The following SLC12A3 variants were observed in gnomAD, a reference collection of about 807,000 sequenced individuals.
The protein encoded by SLC12A3 is solute carrier family 12 member 3, also known as Na-Cl cotransporter.
A neutral mutation model predicts 121.0 loss-of-function variants in SLC12A3; 104 were observed. That is an observed-to-expected ratio of 0.86 (90% CI 0.73 to 1.01). The LOEUF is 1.01. Ranked by LOEUF, SLC12A3 falls within the 50% of genes least tolerant of loss-of-function variation. The pLI is 0.00. For synonymous variants in SLC12A3, 536 were observed against 533.4 expected, an observed-to-expected ratio of 1.00 and a Z score of -0.07; for missense variants, 1,328 against 1,356.3, an observed-to-expected ratio of 0.98 and a Z score of 0.33.
At chr16:56,867,246 C>T (rs1964379482) in intron 2 of SLC12A3, 30 bp downstream of exon 2, 1 of 1,583,902 alleles carries the variant, frequency 6.3e-7, no homozygotes. Flanking sequence ...TGCGTGATGT[C>T]CAGAAATGGG....
chr16:56,886,019 C>T (rs2055306086), intron 15 of SLC12A3, among the ~76,000 whole-genome samples: 1 of 152,228 alleles, frequency 6.6e-6, no homozygotes, highest in African/African-American at 2.4e-5. Context: ...GGCTGAGTCA[C>T]CTTCCCGGGT....
chr16:56,890,467 C>A (rs971100318), intron 19 of SLC12A3, 111 bp downstream of exon 19: 2 of 897,546 alleles, frequency 2.2e-6, no homozygotes, highest in Admixed American at 2.0e-5. Context: ...CATAGAAAGT[C>A]GCCTCTTAAT....
chr16:56,868,131 C>G (rs1964402124), intron 2 of SLC12A3, among the ~76,000 whole-genome samples, 166 bp from the exon 3 acceptor site: 1 of 152,210 alleles, frequency 6.6e-6, no homozygotes, highest in Admixed American at 6.5e-5. Context: ...CTCTCACCCT[C>G]TTGCCCCATA....
rs1213539278 is a variant in SLC12A3 at position 56,877,986 on chromosome 16, T to C, written c.1096-91T>C. On this transcript the variant is annotated intron_variant, in intron 8 of 25. Transcript: ENST00000563236. ...CAGCCTTAGACAAGGAGGACAGGCC[T>C]GGAAGGAGGCCCAGGGGCTGCCTAA... The C allele has an allele frequency of 6.5e-6, 5 of 769,310 alleles. No individual in the cohort carries two copies. The South Asian group carries it at 6.6e-5, about 10-fold the overall frequency. 47.7% of individuals were successfully genotyped at this position (769,310 alleles called of 1,614,324 possible). A position where few individuals can be genotyped will look rare whatever the true frequency, so the allele number is the denominator to read the frequency against.
rs565140670 is a variant in SLC12A3, at chr16:56,880,325, G to A, written c.1567+72G>A. ...GCCGGCCATGAGGGTCTTGGGGGCC[G>A]GGCTCTTCTCCTGTCTCCTCATCTC... On this transcript the variant is annotated intron_variant, in intron 12 of 25. Coordinates refer to ENST00000563236, the MANE Select transcript of SLC12A3 (RefSeq NM_001126108.2). 8.5e-5 allele frequency: 129 copies of A among 1,519,330 alleles called. 1 individual carries two copies. The highest frequency in any genetic ancestry group is 1.2e-4 in the Admixed American group (6 of 50,612). The allele number at this position is 1,519,330 out of a possible 1,614,324, so 94.1% of individuals were successfully genotyped here. A position where few individuals can be genotyped will look rare whatever the true frequency, so the allele number is the denominator to read the frequency against.
chr16:56,889,358 G>A (rs1410717593), intron 18 of SLC12A3, among the ~76,000 whole-genome samples: 1 of 152,234 alleles, frequency 6.6e-6, no homozygotes, highest in Non-Finnish European at 1.5e-5. Context: ...AGGAGCCCAG[G>A]GAGGGCAGTG....
Position 56,879,084 on chromosome 16 carries a change from G to C in SLC12A3, c.1192G>C (p.Val398Leu). Residue 398 changes from valine (V) to leucine (L), a missense_variant, in exon 10 of 26, where the codon GTG becomes CTG. Coordinates refer to ENST00000563236, the MANE Select transcript of SLC12A3 (RefSeq NM_001126108.2). ...CTTCCTCCTCTCAGGCTCCTGCGTG[G>C]TGCGTGATGCCTCTGGGGTCCTGAA... ...AISATIGSCV[V>L]RDASGVLNDT... 1.9e-6 allele frequency: 3 copies of C among 1,611,284 alleles called. No individual in the cohort carries two copies. The highest frequency in any genetic ancestry group is 1.3e-5 in the African/African-American group (1 of 75,006).
chr16:56,867,748 G>A (rs1289808994), intron 2 of SLC12A3, among the ~76,000 whole-genome samples: 18 of 152,192 alleles, frequency 1.2e-4, no homozygotes, highest in Non-Finnish European at 2.5e-4. Flanking sequence ...CTCCTGGGCT[G>A]TGTTGCCAGA....
chr16:56,895,757 A>G (rs1237945165), intron 22 of SLC12A3, among the ~76,000 whole-genome samples: 3 of 151,984 alleles, frequency 2.0e-5, no homozygotes, highest in Non-Finnish European at 2.9e-5. Context: ...TATTTCTATT[A>G]TGATTACATG....
chr16:56,880,377 A>G, intron 12 of SLC12A3, 124 bp downstream of exon 12: 1 of 1,226,828 alleles, frequency 8.2e-7, no homozygotes, highest in South Asian at 1.4e-5. Context: ...GTTAGTGGGC[A>G]CTAAGAGGCT....
At chr16:56,882,190 G>C (rs76713650) in intron 12 of SLC12A3, among the ~76,000 whole-genome samples, 6 of 152,154 alleles carry the variant, frequency 3.9e-5, no homozygotes, top group Non-Finnish European at 8.8e-5. Context: ...GGCGCTTACA[G>C]TTTACAAGAC....
intron 21 of SLC12A3, 39 bp downstream of exon 21, chr16:56,893,093 G>A: frequency 6.5e-7 from 1 of 1,543,420 alleles, no homozygotes; most frequent in Non-Finnish European, 8.9e-7. Context: ...TGCCCGGCGG[G>A]GGCGGGGTGG....
chr16:56,887,854 G>GCAA, intron 17 of SLC12A3, 71 bp from the exon 18 acceptor site: 1 of 940,864 alleles, frequency 1.1e-6, no homozygotes, highest in Non-Finnish European at 1.7e-6. Context: ...AGAAAGTTGG[G>GCAA]GCTCTGGCCA....
At chr16:56,891,346 T>C (rs1287068698) in intron 19 of SLC12A3, among the ~76,000 whole-genome samples, 1 of 125,644 alleles carries the variant, frequency 8.0e-6, no homozygotes, top group Non-Finnish European at 1.6e-5. Flanking sequence ...CACTCCAGCC[T>C]GGCTGACAGA....
rs59010768 is a variant in SLC12A3 at position 56,900,519 on chromosome 16, TTTTA to T, written c.2720+929_2720+932del. ...ATACAGACCCCATCTAGCATCTGAT[TTTTA>T]TTTATTTATTTATTTATTTATTTAT... is the stretch of plus-strand genomic sequence containing the variant. On this transcript the variant is annotated intron_variant, in intron 23 of 25. Transcript: ENST00000563236. 9.4e-3 allele frequency among the ~76,000 whole-genome samples: 1,389 copies of T among 148,536 alleles called. 25 individuals are homozygous for T. The highest frequency in any genetic ancestry group is 0.037 in the East Asian group (184 of 4,998).
At position 56,884,191 on chromosome 16, in the gene SLC12A3, C is replaced by T; in HGVS notation, c.1812C>T (p.Ile604=). 1.9e-6 allele frequency: 3 copies of T among 1,614,124 alleles called. No individual in the cohort carries two copies. The highest frequency in any genetic ancestry group is 1.3e-5 in the African/African-American group (1 of 75,044). Residue 604 remains isoleucine (I), a synonymous_variant, in exon 14 of 26, where the codon ATC becomes ATT. Transcript: ENST00000563236. ...TGCTCTTCCTCCTGCTCTATGTCAT[C>T]TACAAGAAGCCAGGTGCGCATCTCA... is the stretch of plus-strand genomic sequence containing the variant. ...GVVLFLLLYV[I]YKKPEVNWGS... is the part of the protein sequence containing the mutation.
chr16:56,915,665 C>T lies in SLC12A3; in HGVS notation c.*2260C>T, dbSNP rs1175850071. ...GAAAACAATTTTCTGGTTCTTCAAA[C>T]CTCAAAGAGTCCTTGGTCCAAAAAA... On this transcript the variant is annotated 3_prime_UTR_variant, in exon 26 of 26. Transcript: ENST00000563236. 1.3e-5 allele frequency: 2 copies of T among 152,210 alleles called. No individual in the cohort carries two copies. The highest frequency in any genetic ancestry group is 2.9e-5 in the Non-Finnish European group (2 of 68,042). The allele number at this position is 152,210 out of a possible 1,614,324, so 9.4% of individuals were successfully genotyped here. A position where few individuals can be genotyped will look rare whatever the true frequency, so the allele number is the denominator to read the frequency against.
intron 1 of SLC12A3, among the ~76,000 whole-genome samples, chr16:56,866,223 G>A (rs1188497995): frequency 6.6e-6 from 1 of 151,970 alleles, no homozygotes; most frequent in Non-Finnish European, 1.5e-5. Flanking sequence ...TGACCTCAAA[G>A]GATCCACCCA....
intron 5 of SLC12A3, 23 bp from the exon 6 acceptor site, chr16:56,870,603 C>T: frequency 2.0e-6 from 3 of 1,484,212 alleles, no homozygotes; most frequent in Non-Finnish European, 2.8e-6. Flanking sequence ...TGGCTTGCAG[C>T]CTGGCCCATT....
Sources: allele counts gnomAD v4.1 joint callset (sites outside exome capture counted in the v4.1 genomes callset), GRCh38; gene constraint gnomAD v4.1.1; transcripts MANE v1.5; gene names NCBI Gene and HGNC (gene_info 2026-07-23, HGNC 2026-07-21).